The following KIF13A variants were observed in gnomAD, a reference collection of about 807,000 sequenced individuals.
KIF13A encodes the protein kinesin-like protein KIF13A.
KIF13A carries 79 observed loss-of-function variants against 212.2 expected under a neutral mutation model. The ratio of observed to expected loss-of-function variants is 0.37; its 90% CI spans 0.31 to 0.45. The LOEUF is 0.45. Ranked by LOEUF, KIF13A falls within the 20% of genes least tolerant of loss-of-function variation. KIF13A has a pLI of 1.00. For missense variants in KIF13A, 1,901 were observed against 2,209.0 expected (o/e 0.86, Z 2.79); for synonymous variants, 789 against 808.6 (o/e 0.98, Z 0.41).
chr6:17,986,540 A>G (rs1363153320), intron 2 of KIF13A, among the ~76,000 whole-genome samples: 2 of 152,238 alleles, frequency 1.3e-5, no homozygotes, highest in East Asian at 3.8e-4. Flanking sequence ...AATAGATACT[A>G]ACTAGTCCAG....
intron 13 of KIF13A, among the ~76,000 whole-genome samples, chr6:17,830,290 G>T (rs1765329973): frequency 6.6e-6 from 1 of 152,186 alleles, no homozygotes. Context: ...ATGTGTGTGT[G>T]TATTGGTGGA....
intron 4 of KIF13A, among the ~76,000 whole-genome samples, chr6:17,863,563 G>A (rs1769057447): frequency 6.6e-6 from 1 of 151,944 alleles, no homozygotes; most frequent in Non-Finnish European, 1.5e-5. Flanking sequence ...GACCTTCAGG[G>A]CACCACTGGT....
intron 3 of KIF13A, among the ~76,000 whole-genome samples, chr6:17,887,823 A>C (rs1434699500): frequency 4.0e-5 from 6 of 150,592 alleles, no homozygotes; most frequent in Admixed American, 4.0e-4. Flanking sequence ...CCTCCCGAGT[A>C]GCTGGGATTA....
In KIF13A at chr6:17,849,676, C is replaced by T. The variant is rs993644458; in HGVS notation, c.718-187G>A. On this transcript the variant is annotated intron_variant, in intron 8 of 38. Coordinates refer to ENST00000259711, the MANE Select transcript of KIF13A (RefSeq NM_022113.6). This position sits in a 1 kb window ranked among gnomAD's most constrained non-coding sequence, Gnocchi z 5.7. ...ATTTCATAGTTAACATTTAAATAGG[C>T]GTAGAAATGTAGCATTTTGTTTTGC... Among the ~76,000 whole-genome samples the T allele has an allele frequency of 7.9e-5, 12 of 152,242 alleles. No individual in the cohort carries two copies. Among genetic ancestry groups the T allele is most frequent in the African/African-American group, 2.4e-4 (10 of 41,552 alleles).
intron 9 of KIF13A, among the ~76,000 whole-genome samples, chr6:17,845,496 T>C (rs930307414): frequency 2.6e-5 from 4 of 152,208 alleles, no homozygotes; most frequent in African/African-American, 7.2e-5. Context: ...ACCACAGGAA[T>C]TGAAATAGGA....
At position 17,850,241 on chromosome 6, in the gene KIF13A, C is replaced by T. The variant is rs528550710; in HGVS notation, c.717+82G>A. The stretch of plus-strand genomic sequence containing the variant: ...CAACATACAATTCTCAGCCACTGAA[C>T]CCAACCATGAAAGACTTTACCTATA... On this transcript the variant is annotated intron_variant, in intron 8 of 38. Transcript: ENST00000259711. This position sits in a 1 kb window ranked among gnomAD's most constrained non-coding sequence, Gnocchi z 6.2. 2.9e-5 allele frequency: 41 copies of T among 1,393,748 alleles called. No individual in the cohort carries two copies. In the Middle Eastern group the frequency reaches 7.6e-4, roughly 26 times the overall value. The allele number at this position is 1,393,748 out of a possible 1,614,324, so 86.3% of individuals were successfully genotyped here.
intron 2 of KIF13A, among the ~76,000 whole-genome samples, chr6:17,942,871 C>T (rs1198765760): frequency 1.3e-5 from 2 of 151,936 alleles, no homozygotes; most frequent in Admixed American, 6.6e-5. Flanking sequence ...CCCAGCTACT[C>T]GGGAGGCTGA....
At chr6:17,969,231 G>A (rs1201212424) in intron 2 of KIF13A, among the ~76,000 whole-genome samples, 2 of 152,166 alleles carry the variant, frequency 1.3e-5, no homozygotes, top group Admixed American at 6.5e-5. Context: ...GATTCTTCAC[G>A]GACATTGAAC....
At chr6:17,885,022 T>TTTCA (rs1771410531) in intron 3 of KIF13A, among the ~76,000 whole-genome samples, 1 of 152,168 alleles carries the variant, frequency 6.6e-6, no homozygotes, top group South Asian at 2.1e-4. Flanking sequence ...AAGTTCTAGA[T>TTTCA]TTCACTTCAT....
In KIF13A at chr6:17,892,386, T is replaced by C. The variant is rs1331176764; in HGVS notation, c.159+5782A>G. 6.6e-6 allele frequency among the ~76,000 whole-genome samples: 1 copy of C among 152,220 alleles called. No homozygotes were observed. The highest frequency in any genetic ancestry group is 6.5e-5 in the Admixed American group (1 of 15,286). ...GATGTATTTTACTGAATACTACCAC[T>C]AGCCTCCCTACTGATCAAGCTTTGT... is the stretch of plus-strand genomic sequence containing the variant. On this transcript the variant is annotated intron_variant, in intron 3 of 38. Coordinates refer to ENST00000259711, the MANE Select transcript of KIF13A (RefSeq NM_022113.6). This position sits in a 1 kb window ranked among gnomAD's most constrained non-coding sequence, Gnocchi z 4.7.
At chr6:17,836,145 A>G (rs946163373) in intron 11 of KIF13A, among the ~76,000 whole-genome samples, 2 of 152,258 alleles carry the variant, frequency 1.3e-5, no homozygotes, top group Non-Finnish European at 2.9e-5. Flanking sequence ...AAGAAAGAAG[A>G]TAACAATGCA....
At chr6:17,819,389 C>T (rs1211923765) in intron 16 of KIF13A, among the ~76,000 whole-genome samples, 1 of 151,880 alleles carries the variant, frequency 6.6e-6, no homozygotes, top group Non-Finnish European at 1.5e-5. Flanking sequence ...GTGATGAGAC[C>T]CTATCTCTAC....
intron 9 of KIF13A, among the ~76,000 whole-genome samples, chr6:17,845,795 C>A (rs1390269052): frequency 6.6e-6 from 1 of 152,184 alleles, no homozygotes; most frequent in Non-Finnish European, 1.5e-5. Context: ...CACTCCCTGG[C>A]AGTAGGCCAC....
In KIF13A at chr6:17,791,881, C is replaced by CAG. The variant is rs572624969; in HGVS notation, c.3223-1973_3223-1972dup. Among the ~76,000 whole-genome samples, 349 of 125,240 alleles carry CAG rather than the reference C, an allele frequency of 2.8e-3. 2 individuals are homozygous for CAG. Among genetic ancestry groups the CAG allele is most frequent in the African/African-American group, 0.01 (334 of 32,250 alleles). The allele number at this position is 125,240 out of a possible 152,430, so 82.2% of individuals were successfully genotyped here. A position where few individuals can be genotyped will look rare whatever the true frequency, so the allele number is the denominator to read the frequency against. On this transcript the variant is annotated intron_variant, in intron 25 of 38. Transcript: ENST00000259711. ...TGCCACCACACTCCAGCCTGGGTGA[C>CAG]AGAGAGAGAGACTCTGTCTCAAAAA...
chr6:17,910,906 G>A (rs939497592), intron 2 of KIF13A, among the ~76,000 whole-genome samples: 30 of 152,246 alleles, frequency 2.0e-4, no homozygotes, highest in African/African-American at 4.8e-4. Flanking sequence ...GGGACTACAG[G>A]CACCTGCCAC....
intron 4 of KIF13A, among the ~76,000 whole-genome samples, chr6:17,869,858 G>A (rs916875329): frequency 5.9e-5 from 9 of 152,304 alleles, no homozygotes; most frequent in Admixed American, 4.6e-4. Context: ...GGCTTTGAGA[G>A]TCCTGATCAG....
rs1266198544 is a variant in KIF13A at position 17,872,936 on chromosome 6, GA to G, written c.220+440del. On this transcript the variant is annotated intron_variant, in intron 4 of 38. Transcript: ENST00000259711. The surrounding 1 kb of genome is among the most constrained non-coding windows in gnomAD (Gnocchi z 4.7). Reference sequence around the variant, plus strand: ...CAGATGTGAGCCACCATGCCCGGACGAAAAATAAATTTTTAAAAAGATGAAA... The same window carrying G: ...CAGATGTGAGCCACCATGCCCGGACGAAAATAAATTTTTAAAAAGATGAAA... Among the ~76,000 whole-genome samples, 1 of 151,980 alleles carries G rather than the reference GA, an allele frequency of 6.6e-6. No homozygotes were observed. The highest frequency in any genetic ancestry group is 1.5e-5 in the Non-Finnish European group (1 of 67,980).
intron 4 of KIF13A, among the ~76,000 whole-genome samples, chr6:17,859,347 A>G (rs925793450): frequency 1.3e-5 from 2 of 152,010 alleles, no homozygotes; most frequent in Non-Finnish European, 2.9e-5. Context: ...TCACACCTGT[A>G]ATCTCAGCAC....
chr6:17,842,263 T>C (rs1473320974), intron 9 of KIF13A, among the ~76,000 whole-genome samples: 1 of 151,740 alleles, frequency 6.6e-6, no homozygotes, highest in Non-Finnish European at 1.5e-5. Context: ...GTTGCCCAGG[T>C]TGGTCTCGAA....
Sources: gnomAD v4.1 joint callset for allele counts (sites outside exome capture counted in the v4.1 genomes callset) on GRCh38, gnomAD v4.1.1 for gene constraint, Gnocchi (gnomAD v3.1) non-coding constraint, MANE v1.5 for transcripts, NCBI Gene and HGNC (gene_info 2026-07-23, HGNC 2026-07-21) for gene names.